COL14A1: variants seen among roughly 807,000 people sequenced by gnomAD.
The protein encoded by COL14A1 is collagen alpha-1(XIV) chain.
In COL14A1, 136 loss-of-function variants were observed where a neutral mutation model predicts 230.3. The observed-to-expected ratio is 0.59, with a 90% CI of 0.51 to 0.68. The LOEUF is 0.68. COL14A1 is among the 30% of genes least tolerant of loss of function. The pLI, the probability that COL14A1 is intolerant of heterozygous loss-of-function variation, is 0.00. For synonymous variants in COL14A1, 792 were observed against 784.1 expected, an observed-to-expected ratio of 1.01 and a Z score of -0.17; for missense variants, 1,976 against 2,215.8, an observed-to-expected ratio of 0.89 and a Z score of 2.17.
chr8:120,220,394 C>T (rs1328505397), intron 14 of COL14A1, among the ~76,000 whole-genome samples: 1 of 151,906 alleles, frequency 6.6e-6, no homozygotes, highest in East Asian at 1.9e-4. Flanking sequence ...CTGCCTCAGC[C>T]ACCCGAGTAG....
chr8:120,182,568 C>T (rs1816495686), intron 5 of COL14A1, among the ~76,000 whole-genome samples: 1 of 152,102 alleles, frequency 6.6e-6, no homozygotes, highest in Non-Finnish European at 1.5e-5. Context: ...GAATATAATA[C>T]ACTGGCTCCT....
At chr8:120,345,776 T>C (rs1822489168) in intron 45 of COL14A1, among the ~76,000 whole-genome samples, 1 of 152,202 alleles carries the variant, frequency 6.6e-6, no homozygotes, top group African/African-American at 2.4e-5. Context: ...TCTACTTATA[T>C]GAAAGAGGAA....
intron 25 of COL14A1, among the ~76,000 whole-genome samples, chr8:120,269,452 C>A (rs1281190007): frequency 6.6e-6 from 1 of 151,662 alleles, no homozygotes; most frequent in Non-Finnish European, 1.5e-5. Flanking sequence ...TGACATATAT[C>A]AGTGGGCTAT....
At chr8:120,142,188 T>C (rs1032953305) in intron 1 of COL14A1, among the ~76,000 whole-genome samples, 2 of 152,204 alleles carry the variant, frequency 1.3e-5, no homozygotes, top group African/African-American at 4.8e-5. Flanking sequence ...CTTAGAATAT[T>C]TCATTGGAGT....
At chr8:120,218,130 AT>A in intron 14 of COL14A1, among the ~76,000 whole-genome samples, 1 of 136,966 alleles carries the variant, frequency 7.3e-6, no homozygotes, top group South Asian at 2.1e-4. Flanking sequence ...CTATATAAAA[AT>A]ATATAATATA....
chr8:120,314,966 T>C (rs1194037034), intron 38 of COL14A1, among the ~76,000 whole-genome samples: 2 of 152,258 alleles, frequency 1.3e-5, no homozygotes, highest in Admixed American at 1.3e-4. Flanking sequence ...TTTACAATAT[T>C]GGCCTTGCCA....
At chr8:120,207,875 G>T (rs1817491599) in intron 10 of COL14A1, among the ~76,000 whole-genome samples, 2 of 150,198 alleles carry the variant, frequency 1.3e-5, no homozygotes, top group African/African-American at 2.4e-5. Context: ...TGCTTCCAAT[G>T]ATTCTTTTAT....
chr8:120,242,978 T>C (rs1403634626), intron 19 of COL14A1, among the ~76,000 whole-genome samples: 2 of 152,162 alleles, frequency 1.3e-5, no homozygotes, highest in Admixed American at 6.5e-5. Context: ...GCTGTCCTGG[T>C]CTTGTGACTC....
At chr8:120,219,294 A>T (rs1295653693) in intron 14 of COL14A1, among the ~76,000 whole-genome samples, 1 of 152,000 alleles carries the variant, frequency 6.6e-6, no homozygotes, top group Non-Finnish European at 1.5e-5. Flanking sequence ...TGTACAGACG[A>T]GGTTTTGCCA....
chr8:120,265,612 C>CAT (rs1819478881), intron 24 of COL14A1, among the ~76,000 whole-genome samples: 1 of 151,026 alleles, frequency 6.6e-6, no homozygotes, highest in African/African-American at 2.4e-5. Context: ...ATAAAAAGCA[C>CAT]ATATATATAA....
intron 40 of COL14A1, among the ~76,000 whole-genome samples, chr8:120,319,781 A>T (rs1179462887): frequency 1.3e-5 from 2 of 151,754 alleles, no homozygotes; most frequent in Non-Finnish European, 2.9e-5. Flanking sequence ...ACTGAACTTC[A>T]TTGAACAAGT....
chr8:120,231,876 G>C (rs904141102), intron 19 of COL14A1: 3 of 365,302 alleles, frequency 8.2e-6, no homozygotes, highest in Non-Finnish European at 1.5e-5. Flanking sequence ...CTCTTCTGCT[G>C]CCTTGCACCT....
At chr8:120,179,744 C>T (rs943815826) in intron 5 of COL14A1, among the ~76,000 whole-genome samples, 9 of 152,120 alleles carry the variant, frequency 5.9e-5, no homozygotes, top group African/African-American at 2.2e-4. Context: ...ATAGCCAAGA[C>T]AATTCTAAGC....
rs545658484 is a variant in COL14A1 at position 120,354,358 on chromosome 8, A to G, written c.5077+8795A>G. Among the ~76,000 whole-genome samples, 257 of 135,520 alleles carry G rather than the reference A, an allele frequency of 1.9e-3. 2 individuals are homozygous for G. The highest frequency in any genetic ancestry group is 7.2e-3 in the African/African-American group (244 of 34,004). The allele number at this position is 135,520 out of a possible 152,430, so 88.9% of individuals were successfully genotyped here. ...TATACATATGTAACTAACCTGCACA[A>G]TGTGCACATGTACCCTAAAACTTAA... On this transcript the variant is annotated intron_variant, in intron 45 of 47. Transcript: ENST00000297848.
In COL14A1 at chr8:120,147,856, A is replaced by T; in HGVS notation, c.14A>T (p.Gln5Leu). The change falls in exon 2 of 48, where the codon CAG becomes CTG. Residue 5 changes from glutamine (Q) to leucine (L), a missense_variant. This residue lies in a region of COL14A1 where 181 missense variants were observed against 178.6 expected (regional missense o/e 1.01). Coordinates refer to ENST00000297848, the MANE Select transcript of COL14A1 (RefSeq NM_021110.4). MKIF[Q>L]RKMRYWLLPP... ...GCGGAAAATAAAATGAAGATTTTCCAGCGCAAGATGCGGTACTGGTTGCTT... is the reference window on the plus strand; with the variant it reads ...GCGGAAAATAAAATGAAGATTTTCCTGCGCAAGATGCGGTACTGGTTGCTT... The T allele has an allele frequency of 1.2e-6, 2 of 1,613,662 alleles. No individual in the cohort carries two copies. Among genetic ancestry groups the T allele is most frequent in the Non-Finnish European group, 1.7e-6 (2 of 1,179,816 alleles).
intron 36 of COL14A1, among the ~76,000 whole-genome samples, chr8:120,301,980 C>T (rs1032863293): frequency 3.3e-5 from 5 of 151,874 alleles, no homozygotes; most frequent in African/African-American, 9.7e-5. Context: ...TTTTCATATG[C>T]TTTTTGGCCA....
At chr8:120,278,045 G>T in intron 26 of COL14A1, 66 bp from the exon 27 acceptor site, 2 of 1,390,746 alleles carry the variant, frequency 1.4e-6, no homozygotes, top group Non-Finnish European at 1.9e-6. Context: ...GTGACACTGT[G>T]CTGTTGCTCT....
intron 35 of COL14A1, among the ~76,000 whole-genome samples, chr8:120,298,949 C>T (rs1820621051): frequency 6.6e-6 from 1 of 151,844 alleles, no homozygotes; most frequent in Non-Finnish European, 1.5e-5. Context: ...CTTCCTTCTT[C>T]AGAAGGTGGC....
chr8:120,370,481 G>T, intron 47 of COL14A1: 2 of 1,516,166 alleles, frequency 1.3e-6, no homozygotes, highest in Admixed American at 2.1e-5. Flanking sequence ...TGGACACTCT[G>T]CTTCCCTGCT....
Sources: gnomAD v4.1 joint callset for allele counts (sites outside exome capture counted in the v4.1 genomes callset) on GRCh38, gnomAD v4.1.1 for gene constraint, gnomAD v4.1.1 regional missense constraint, MANE v1.5 for transcripts, NCBI Gene and HGNC (gene_info 2026-07-23, HGNC 2026-07-21) for gene names.